Variants in DNAH14 observed in about 807,000 individuals in gnomAD.
DNAH14 encodes axonemal beta dynein heavy chain 14.
In DNAH14, 478 loss-of-function variants were observed where a neutral mutation model predicts 520.9. The ratio of observed to expected loss-of-function variants is 0.92; its 90% CI spans 0.85 to 0.99. The LOEUF is 0.99. DNAH14 is among the 50% of genes least tolerant of loss of function. The probability of loss-of-function intolerance (pLI) is 0.00; values close to 1 mark genes in which losing one functional copy is unlikely to be tolerated. For missense variants in DNAH14, 4,831 were observed against 5,234.5 expected (o/e 0.92, Z 2.38); for synonymous variants, 1,581 against 1,757.2 (o/e 0.90, Z 2.51).
At position 225,275,979 on chromosome 1, in the gene DNAH14, C is replaced by A. The variant is rs1307991720; in HGVS notation, c.8076C>A (p.Asn2692Lys). The A allele has an allele frequency of 2.4e-6, 1 of 416,106 alleles. No homozygotes were observed. The highest frequency in any genetic ancestry group is 4.8e-6 in the Non-Finnish European group (1 of 207,384). 25.8% of individuals were successfully genotyped at this position (416,106 alleles called of 1,614,324 possible). The part of the protein sequence containing the change: ...STVFLDFLDI[N>K]KTHRKKIYQN... ...TATTTTTGGACTTCTTGGATATAAA[C>A]AAGACTCATAGAAAAAAGATTTATC... Residue 2692 changes from asparagine (N) to lysine (K), a missense_variant, in exon 53 of 86, where the codon AAC becomes AAA. Coordinates refer to ENST00000682510, the MANE Select transcript of DNAH14 (RefSeq NM_001367479.1).
intron 4 of DNAH14, among the ~76,000 whole-genome samples, chr1:224,962,444 A>G (rs2060903168): frequency 1.3e-5 from 2 of 152,312 alleles, no homozygotes; most frequent in African/African-American, 2.4e-5. Flanking sequence ...CATGTTGTAC[A>G]GAGGGCCACA....
At chr1:225,251,479 T>C (rs1393161701) in intron 43 of DNAH14, among the ~76,000 whole-genome samples, 1 of 152,136 alleles carries the variant, frequency 6.6e-6, no homozygotes, top group Non-Finnish European at 1.5e-5. Flanking sequence ...TGGTCTAAAT[T>C]ATAAAATTCT....
chr1:225,010,870 A>G (rs549895512), intron 10 of DNAH14, among the ~76,000 whole-genome samples: 27 of 151,638 alleles, frequency 1.8e-4, no homozygotes, highest in African/African-American at 6.0e-4. Context: ...TAGATTTTCT[A>G]TTTTATTTGT....
intron 17 of DNAH14, among the ~76,000 whole-genome samples, chr1:225,075,545 T>C (rs907086618): frequency 6.6e-6 from 1 of 152,234 alleles, no homozygotes; most frequent in African/African-American, 2.4e-5. Context: ...TGTAATCTTA[T>C]GAAGTTTGCT....
intron 16 of DNAH14, among the ~76,000 whole-genome samples, chr1:225,051,100 G>A (rs1396330432): frequency 1.3e-5 from 2 of 152,172 alleles, no homozygotes; most frequent in Non-Finnish European, 2.9e-5. Context: ...CTGCTCTCTG[G>A]CCTGGGGGTT....
At chr1:225,018,422 C>T (rs1572497183) in intron 10 of DNAH14, among the ~76,000 whole-genome samples, 1 of 152,082 alleles carries the variant, frequency 6.6e-6, no homozygotes, top group Admixed American at 6.5e-5. Flanking sequence ...GGTTCTTAAC[C>T]AGATTGAGTT....
At chr1:225,078,683 G>A (rs2072590554) in intron 17 of DNAH14, among the ~76,000 whole-genome samples, 1 of 152,152 alleles carries the variant, frequency 6.6e-6, no homozygotes, top group East Asian at 1.9e-4. Context: ...TGAATCATGG[G>A]GGTGGACTTC....
chr1:225,007,048 G>A (rs190953714), intron 9 of DNAH14, among the ~76,000 whole-genome samples: 3 of 152,234 alleles, frequency 2.0e-5, no homozygotes, highest in Non-Finnish European at 2.9e-5. Context: ...CAATAATGCT[G>A]TATTTTATCT....
At chr1:224,981,678 C>G (rs1003502728) in intron 8 of DNAH14, among the ~76,000 whole-genome samples, 9 of 152,080 alleles carry the variant, frequency 5.9e-5, no homozygotes, top group Non-Finnish European at 1.2e-4. Context: ...TTTCTTTCTT[C>G]TTTTCTTGGT....
intron 21 of DNAH14, among the ~76,000 whole-genome samples, chr1:225,092,946 G>A (rs956145700): frequency 6.6e-6 from 1 of 152,058 alleles, no homozygotes; most frequent in East Asian, 1.9e-4. Flanking sequence ...ATTTCTGAGT[G>A]CATACAACCT....
chr1:225,355,106 T>G (rs1316689862), intron 73 of DNAH14, among the ~76,000 whole-genome samples: 1 of 152,100 alleles, frequency 6.6e-6, no homozygotes, highest in African/African-American at 2.4e-5. Flanking sequence ...CCCAATAGAT[T>G]GGGTAATTTA....
chr1:225,014,676 A>T (rs966010681), intron 10 of DNAH14, among the ~76,000 whole-genome samples: 3 of 152,138 alleles, frequency 2.0e-5, no homozygotes, highest in African/African-American at 7.2e-5. Context: ...ACTTGATATG[A>T]TTTTAATTTC....
chr1:225,020,512 AAAAAC>A (rs1289782186), intron 10 of DNAH14, among the ~76,000 whole-genome samples: 4 of 149,226 alleles, frequency 2.7e-5, no homozygotes, highest in Admixed American at 1.3e-4. Flanking sequence ...AAAAAAAAAA[AAAAAC>A]AACTCAAAGG....
chr1:225,360,654 T>C lies in DNAH14; in HGVS notation c.11777-27T>C, dbSNP rs558026511. The C allele has an allele frequency of 3.1e-5, 48 of 1,532,812 alleles. No individual in the cohort carries two copies. In the East Asian group the frequency reaches 1.1e-3, roughly 36 times the overall value. The allele number at this position is 1,532,812 out of a possible 1,614,324, so 95.0% of individuals were successfully genotyped here. A position where few individuals can be genotyped will look rare whatever the true frequency, so the allele number is the denominator to read the frequency against. ...AGGGAATTAAATGAGCTTACAGTTTTATATACCTCTCCACGTTGTTATACA... is the reference window on the plus strand; with the variant it reads ...AGGGAATTAAATGAGCTTACAGTTTCATATACCTCTCCACGTTGTTATACA... On this transcript the variant is annotated intron_variant, in intron 74 of 85. Transcript: ENST00000682510.
chr1:225,398,477 G>A, intron 84 of DNAH14, 43 bp from the exon 85 acceptor site: 6 of 1,545,646 alleles, frequency 3.9e-6, no homozygotes, highest in Non-Finnish European at 5.2e-6. Flanking sequence ...GTTGGTCGCT[G>A]CTTCTCCTGG....
intron 42 of DNAH14, among the ~76,000 whole-genome samples, chr1:225,231,855 G>A (rs576309730): frequency 4.3e-4 from 65 of 152,068 alleles, no homozygotes; most frequent in East Asian, 5.8e-4. Context: ...CATTCTCAAT[G>A]TAACAACAAG....
At chr1:225,253,615 T>A (rs1394604997) in intron 44 of DNAH14, among the ~76,000 whole-genome samples, 1 of 152,068 alleles carries the variant, frequency 6.6e-6, no homozygotes, top group Non-Finnish European at 1.5e-5. Context: ...AAAAGAGTAA[T>A]CCTAATCTGT....
intron 23 of DNAH14, among the ~76,000 whole-genome samples, chr1:225,103,927 G>T (rs902724518): frequency 2.9e-5 from 4 of 137,284 alleles, no homozygotes; most frequent in Middle Eastern, 3.9e-3. Context: ...CCAACACTAT[G>T]TTGAATAGGA....
intron 52 of DNAH14, among the ~76,000 whole-genome samples, chr1:225,274,421 C>G (rs889848606): frequency 3.3e-5 from 5 of 151,804 alleles, no homozygotes; most frequent in African/African-American, 9.7e-5. Context: ...GTCTCGATCT[C>G]CTGACCTCGT....
Sources: allele counts gnomAD v4.1 joint callset (sites outside exome capture counted in the v4.1 genomes callset), GRCh38; gene constraint gnomAD v4.1.1; transcripts MANE v1.5; gene names NCBI Gene and HGNC (gene_info 2026-07-23, HGNC 2026-07-21).